Variants in ALKBH7 observed in about 807,000 individuals in gnomAD.
ALKBH7 encodes the protein RNA demethylase ALKBH7, mitochondrial.
In ALKBH7, 21 loss-of-function variants were observed where a neutral mutation model predicts 19.3. That is an observed-to-expected ratio of 1.09 (90% confidence interval 0.77 to 1.56). The LOEUF is 1.56. Ranked by LOEUF, ALKBH7 falls within the 40% of genes most tolerant of loss-of-function variation. The pLI is 0.00. For synonymous variants in ALKBH7, 147 were observed against 139.5 expected (o/e 1.05, Z -0.38); for missense variants, 354 against 311.4 (o/e 1.14, Z -1.03).
chr19:6,373,477 G>A (rs987920634), intron 1 of ALKBH7: 3 of 499,754 alleles, frequency 6.0e-6, no homozygotes, highest in African/African-American at 2.0e-5. Flanking sequence ...CCAGGGAGTC[G>A]GGTGTAGGGT....
chr19:6,372,995 C>T lies in ALKBH7; in HGVS notation c.175C>T (p.Arg59Cys). 1 of 1,574,944 alleles carries T rather than the reference C, an allele frequency of 6.3e-7. No individual in the cohort carries two copies. The highest frequency in any genetic ancestry group is 8.6e-7 in the Non-Finnish European group (1 of 1,162,860). Residue 59 changes from arginine (R) to cysteine (C), a missense_variant, in exon 1 of 4, where the codon CGC becomes TGC. Physicochemically the swap from Arg to Cys is radical, Grantham distance 180 (BLOSUM62 -3). Coordinates refer to ENST00000245812, the MANE Select transcript of ALKBH7 (RefSeq NM_032306.4). ...SRELEPELRR[R>C]RYEYDHWDAA... The stretch of plus-strand genomic sequence containing the variant: ...AGAACTGGAGCCCGAGCTGCGCCGC[C>T]GCCGCTACGAATACGATCACTGGGA...
At chr19:6,373,055 G>C (rs995143860) in intron 1 of ALKBH7, 31 bp downstream of exon 1, 1 of 1,539,656 alleles carries the variant, frequency 6.5e-7, no homozygotes, top group Non-Finnish European at 8.7e-7. Context: ...GGCGAGGGAC[G>C]GGGGCTCGTC....
intron 1 of ALKBH7, chr19:6,373,654 G>T: frequency 8.0e-7 from 1 of 1,249,602 alleles, no homozygotes; most frequent in African/African-American, 1.6e-5. Flanking sequence ...GGGGGGACGG[G>T]GAAGTCGAGG....
At chr19:6,374,125 G>A (rs1292433457) in intron 1 of ALKBH7, 78 bp from the exon 2 acceptor site, 2 of 1,584,318 alleles carry the variant, frequency 1.3e-6, no homozygotes, top group African/African-American at 1.4e-5. Context: ...CCAGCCCCTT[G>A]CCGTTTTCTG....
chr19:6,374,978 C>T lies in ALKBH7; in HGVS notation c.*5C>T. Reference sequence around the variant, plus strand: ...CAGCCGCCCCCAGCCTGCTGACCCCCAGCTTTCTACAGACACCAGATTTGT... The same window carrying T: ...CAGCCGCCCCCAGCCTGCTGACCCCTAGCTTTCTACAGACACCAGATTTGT... On this transcript the variant is annotated 3_prime_UTR_variant, in exon 4 of 4. Transcript: ENST00000245812. 1 of 1,583,046 alleles carries T rather than the reference C, an allele frequency of 6.3e-7. No individual in the cohort carries two copies.
At chr19:6,374,155 C>T in intron 1 of ALKBH7, 48 bp from the exon 2 acceptor site, 1 of 1,593,932 alleles carries the variant, frequency 6.3e-7, no homozygotes, top group Non-Finnish European at 8.5e-7. Context: ...GCCTCAGTTT[C>T]CTTGTTCCCT....
At chr19:6,374,059 G>C (rs967674828) in intron 1 of ALKBH7, 144 bp from the exon 2 acceptor site, 32 of 1,496,886 alleles carry the variant, frequency 2.1e-5, no homozygotes, top group Middle Eastern at 4.4e-4. Flanking sequence ...TAGGGCCATA[G>C]TTGAGGGGCT....
At chr19:6,373,742 C>G (rs1384111098) in intron 1 of ALKBH7, 53 of 1,152,968 alleles carry the variant, frequency 4.6e-5, no homozygotes, top group Non-Finnish European at 5.4e-5. Context: ...TTTTTGGGGT[C>G]GGTAGCTATT....
chr19:6,372,992 C>T lies in ALKBH7; in HGVS notation c.172C>T (p.Arg58Cys), dbSNP rs2091898710. ...LSRELEPELR[R>C]RRYEYDHWDA... ...CCGAGAACTGGAGCCCGAGCTGCGCCGCCGCCGCTACGAATACGATCACTG... is the reference window on the plus strand; with the variant it reads ...CCGAGAACTGGAGCCCGAGCTGCGCTGCCGCCGCTACGAATACGATCACTG... Residue 58 changes from arginine to cysteine, a missense_variant, in exon 1 of 4, where the codon CGC (arginine) becomes TGC (cysteine). Transcript: ENST00000245812. 5 of 1,573,728 alleles carry T rather than the reference C, an allele frequency of 3.2e-6. No individual in the cohort carries two copies. The highest frequency in any genetic ancestry group is 1.7e-6 in the Non-Finnish European group (2 of 1,162,574).
At chr19:6,373,633 G>T in intron 1 of ALKBH7, 1 of 1,229,922 alleles carries the variant, frequency 8.1e-7, no homozygotes, top group Non-Finnish European at 1.0e-6. Flanking sequence ...ATGGGTTGGG[G>T]CCATGCTGTG....
rs1458073884 is a variant in ALKBH7 at position 6,373,767 on chromosome 19, G to T, written c.205-436G>T. The T allele has an allele frequency of 2.7e-5, 34 of 1,273,248 alleles. No homozygotes were observed. In the African/African-American group the frequency reaches 5.3e-4, roughly 20 times the overall value. 78.9% of individuals were successfully genotyped at this position (1,273,248 alleles called of 1,614,324 possible). A position where few individuals can be genotyped will look rare whatever the true frequency, so the allele number is the denominator to read the frequency against. ...CGGTAGCTATTGCAGGGATTTGGGA[G>T]CTGGGCTATGGTGGGGGCTGGGCTG... is the stretch of plus-strand genomic sequence containing the variant. On this transcript the variant is annotated intron_variant, in intron 1 of 3. Coordinates refer to ENST00000245812, the MANE Select transcript of ALKBH7 (RefSeq NM_032306.4).
At chr19:6,373,255 G>T (rs1436103494) in intron 1 of ALKBH7, among the ~76,000 whole-genome samples, 1 of 146,352 alleles carries the variant, frequency 6.8e-6, no homozygotes, top group Non-Finnish European at 1.5e-5. Flanking sequence ...GGGCCAGGGG[G>T]GTCGGGCGCA....
At position 6,374,855 on chromosome 19, in the gene ALKBH7, A is replaced by G. The variant is rs777342569; in HGVS notation, c.548A>G (p.Glu183Gly). 9.3e-6 allele frequency: 15 copies of G among 1,613,946 alleles called. No homozygotes were observed. The highest frequency in any genetic ancestry group is 6.7e-5 in the Admixed American group (4 of 59,988). Reference protein sequence around the residue: ...YDFSHEILRDEESFFGERRIP... With the variant: ...YDFSHEILRDGESFFGERRIP... ...TTCTCCCATGAGATCCTTCGGGATG[A>G]AGAGTCCTTCTTTGGGGAACGCCGG... Residue 183 changes from glutamate to glycine, a missense_variant, in exon 4 of 4, where the codon GAA (glutamate) becomes GGA (glycine). Physicochemically the swap from Glu to Gly is moderately conservative, Grantham distance 98. Coordinates refer to ENST00000245812, the MANE Select transcript of ALKBH7 (RefSeq NM_032306.4).
chr19:6,374,876 G>GC lies in ALKBH7; in HGVS notation c.571dup (p.Arg191ProfsTer17). 6.2e-7 allele frequency: 1 copy of GC among 1,614,090 alleles called. No individual in the cohort carries two copies. Among genetic ancestry groups the GC allele is most frequent in the Non-Finnish European group, 8.5e-7 (1 of 1,179,964 alleles). On this transcript the variant is annotated frameshift_variant, in exon 4 of 4. Transcript: ENST00000245812. LOFTEE classifies it low-confidence loss of function (END_TRUNC). ...GATGAAGAGTCCTTCTTTGGGGAAC[G>GC]CCGGATTCCCCGGGGCCGGCGCATC... is the stretch of plus-strand genomic sequence containing the variant.
intron 1 of ALKBH7, 38 bp from the exon 2 acceptor site, chr19:6,374,165 T>C: frequency 6.3e-7 from 1 of 1,598,558 alleles, no homozygotes; most frequent in Non-Finnish European, 8.5e-7. Context: ...CCTTGTTCCC[T>C]CTGGGAGCTC....
Position 6,374,223 on chromosome 19 carries a change from G to A in ALKBH7, c.225G>A (p.Glu75=). The change falls in exon 2 of 4, where the codon GAG becomes GAA. Residue 75 remains glutamate (E), a synonymous_variant. Transcript: ENST00000245812. Reference sequence around the variant, plus strand: ...TGCAGGCCATCCACGGCTTCCGAGAGACAGAGAAGTCGCGCTGGTCAGAAG... The same window carrying A: ...TGCAGGCCATCCACGGCTTCCGAGAAACAGAGAAGTCGCGCTGGTCAGAAG... ...HWDAAIHGFR[E]TEKSRWSEAS... 1 of 1,613,168 alleles carries A rather than the reference G, an allele frequency of 6.2e-7. No individual in the cohort carries two copies. Among genetic ancestry groups the A allele is most frequent in the South Asian group, 1.1e-5 (1 of 91,068 alleles).
chr19:6,373,797 T>C, intron 1 of ALKBH7: 1 of 1,270,436 alleles, frequency 7.9e-7, no homozygotes, highest in Non-Finnish European at 9.9e-7. Flanking sequence ...GGGCTGAAAC[T>C]CTGGCTGTGG....
At chr19:6,373,162 A>G (rs2145060979) in intron 1 of ALKBH7, 138 bp downstream of exon 1, 2 of 1,163,232 alleles carry the variant, frequency 1.7e-6, no homozygotes, top group Non-Finnish European at 2.3e-6. Context: ...AGAGGAGACG[A>G]GCGCCGGGAC....
intron 1 of ALKBH7, chr19:6,373,954 G>A (rs1647365302): frequency 1.0e-6 from 1 of 985,150 alleles, no homozygotes; most frequent in South Asian, 4.7e-5. Context: ...AAGTTGTAGG[G>A]AGATTCAGCC....
Sources: allele counts gnomAD v4.1 joint callset (sites outside exome capture counted in the v4.1 genomes callset), GRCh38; gene constraint gnomAD v4.1.1; transcripts MANE v1.5; gene names NCBI Gene and HGNC (gene_info 2026-07-23, HGNC 2026-07-21).